The following EYA4 variants were observed in gnomAD, a reference collection of about 807,000 sequenced individuals.
EYA4 encodes EYA transcriptional coactivator and phosphatase 4.
EYA4 carries 31 observed loss-of-function variants against 87.9 expected under a neutral mutation model. The ratio of observed to expected loss-of-function variants is 0.35; its 90% CI spans 0.27 to 0.48. The LOEUF (loss-of-function observed/expected upper bound fraction) is 0.48, where lower values mean the gene tolerates loss of function less well. Among genes scored for constraint, EYA4 ranks in the 20% least tolerant of loss-of-function variants. EYA4 has a pLI of 0.99. For missense variants in EYA4, 678 were observed against 761.4 expected (o/e 0.89, Z 1.29); for synonymous variants, 263 against 270.6 (o/e 0.97, Z 0.28).
intron 1 of EYA4, among the ~76,000 whole-genome samples, chr6:133,273,714 A>T (rs1218633801): frequency 6.6e-6 from 1 of 152,126 alleles, no homozygotes; most frequent in South Asian, 2.1e-4. Flanking sequence ...GTACCATTGC[A>T]ATTTTAAATT....
At chr6:133,386,447 A>G (rs1786756784) in intron 3 of EYA4, among the ~76,000 whole-genome samples, 1 of 152,126 alleles carries the variant, frequency 6.6e-6, no homozygotes, top group Non-Finnish European at 1.5e-5. Flanking sequence ...CTTGTATTGC[A>G]TACTTTACAA....
intron 17 of EYA4, among the ~76,000 whole-genome samples, chr6:133,519,268 AAAG>A (rs1799885922): frequency 6.6e-6 from 1 of 151,080 alleles, no homozygotes; most frequent in East Asian, 1.9e-4. Flanking sequence ...ATAAAGAAAA[AAAG>A]AGAGAAGAAT....
chr6:133,514,903 C>T (rs996556631), intron 16 of EYA4, among the ~76,000 whole-genome samples: 7 of 152,166 alleles, frequency 4.6e-5, no homozygotes, highest in Admixed American at 3.3e-4. Context: ...AGAAGCTAAA[C>T]GTTTTCAGAC....
chr6:133,381,335 G>A (rs1786200941), intron 2 of EYA4, among the ~76,000 whole-genome samples: 1 of 152,040 alleles, frequency 6.6e-6, no homozygotes, highest in Non-Finnish European at 1.5e-5. Flanking sequence ...GTTTTTGTGA[G>A]TTTGTTTGTT....
intron 2 of EYA4, among the ~76,000 whole-genome samples, chr6:133,304,565 A>G (rs1355999201): frequency 6.6e-6 from 1 of 152,174 alleles, no homozygotes; most frequent in East Asian, 1.9e-4. Context: ...GTCTGGAGAA[A>G]TACACTGGGG....
intron 19 of EYA4, among the ~76,000 whole-genome samples, chr6:133,526,181 G>A (rs1466980318): frequency 6.6e-6 from 1 of 152,122 alleles, no homozygotes; most frequent in East Asian, 1.9e-4. Context: ...TTCACCGAAT[G>A]ATAGAAAAAT....
At chr6:133,274,694 T>G in intron 1 of EYA4, 22 bp from the exon 2 acceptor site, 1 of 1,109,150 alleles carries the variant, frequency 9.0e-7, no homozygotes, top group Non-Finnish European at 1.4e-6. Flanking sequence ...TTTTCCCCTT[T>G]GTTTCCATCT....
intron 3 of EYA4, among the ~76,000 whole-genome samples, chr6:133,405,649 CAG>C (rs1275417920): frequency 1.3e-5 from 2 of 152,076 alleles, no homozygotes; most frequent in African/African-American, 4.8e-5. Context: ...AAGTATAAAA[CAG>C]ACAAAAGTTT....
chr6:133,262,972 C>G (rs1366420697), intron 1 of EYA4, among the ~76,000 whole-genome samples: 3 of 152,160 alleles, frequency 2.0e-5, no homozygotes, highest in Non-Finnish European at 4.4e-5. Flanking sequence ...ATGTGCATCT[C>G]CATGTCTCTG....
chr6:133,513,918 A>G (rs1229413327), intron 16 of EYA4, among the ~76,000 whole-genome samples: 2 of 152,180 alleles, frequency 1.3e-5, no homozygotes, highest in Non-Finnish European at 2.9e-5. Flanking sequence ...ATTCACATAT[A>G]TATCATAGAA....
intron 1 of EYA4, among the ~76,000 whole-genome samples, chr6:133,259,568 C>T (rs1325751397): frequency 1.3e-5 from 2 of 152,122 alleles, no homozygotes; most frequent in Non-Finnish European, 2.9e-5. Context: ...TCAAACTTTC[C>T]TGGATGCCTC....
intron 2 of EYA4, among the ~76,000 whole-genome samples, chr6:133,284,222 C>T (rs1582843898): frequency 6.6e-6 from 1 of 152,186 alleles, no homozygotes; most frequent in East Asian, 1.9e-4. Flanking sequence ...GTACAATCTT[C>T]ATTAATCACA....
At chr6:133,401,377 C>T (rs1788246688) in intron 3 of EYA4, among the ~76,000 whole-genome samples, 1 of 99,364 alleles carries the variant, frequency 1.0e-5, no homozygotes, top group African/African-American at 2.5e-5. Flanking sequence ...TTGTACATTT[C>T]AAAATCTCTA....
rs1800954932 is a variant in EYA4 at position 133,530,619 on chromosome 6, G to A, written c.*1814G>A. ...GCTCACAGATCACAACATTCACTGT[G>A]GAAATATGATTTCATTTCTTTAGGC... is the stretch of plus-strand genomic sequence containing the variant. On this transcript the variant is annotated 3_prime_UTR_variant, in exon 20 of 20. Transcript: ENST00000355286. 1 of 985,524 alleles carries A rather than the reference G, an allele frequency of 1.0e-6. No individual in the cohort carries two copies. Among genetic ancestry groups the A allele is most frequent in the Non-Finnish European group, 1.2e-6 (1 of 829,822 alleles). 61.0% of individuals were successfully genotyped at this position (985,524 alleles called of 1,614,324 possible).
chr6:133,405,774 G>C lies in EYA4; in HGVS notation c.83+23333G>C, dbSNP rs1788648530. Reference sequence around the variant, plus strand: ...ATGGAGAAAAAGCAGGAAAAGAAGAGAGAGAATGAATGGGGGGAAGGGGGT... The same window carrying C: ...ATGGAGAAAAAGCAGGAAAAGAAGACAGAGAATGAATGGGGGGAAGGGGGT... On this transcript the variant is annotated intron_variant, in intron 3 of 19. Transcript: ENST00000355286. Among the ~76,000 whole-genome samples the C allele has an allele frequency of 2.6e-5, 4 of 152,030 alleles. No homozygotes were observed. In the South Asian group the frequency reaches 8.3e-4, roughly 32 times the overall value.
At chr6:133,435,700 A>G (rs1217401069) in intron 3 of EYA4, 1 of 152,220 alleles carries the variant, frequency 6.6e-6, no homozygotes, top group Non-Finnish European at 1.5e-5. Flanking sequence ...TACTTTTTCC[A>G]GAAAGTGGGA....
In EYA4 at chr6:133,468,631, T is replaced by C; in HGVS notation, c.870T>C (p.Tyr290=). ...QYAQYYSAST[Y]GAYMTSNNTA... is the part of the protein sequence containing the mutation. ...CACAGTATTATTCAGCATCAACGTATGGAGCGTATATGACATCGAATAACA... is the reference window on the plus strand; with the variant it reads ...CACAGTATTATTCAGCATCAACGTACGGAGCGTATATGACATCGAATAACA... Residue 290 remains tyrosine (Y), a synonymous_variant, in exon 11 of 20, where the codon TAT becomes TAC. Coordinates refer to ENST00000355286, the MANE Select transcript of EYA4 (RefSeq NM_004100.5). The C allele has an allele frequency of 6.2e-7, 1 of 1,612,768 alleles. No individual in the cohort carries two copies.
chr6:133,512,445 T>C (rs1799235662), intron 14 of EYA4, among the ~76,000 whole-genome samples: 1 of 152,230 alleles, frequency 6.6e-6, no homozygotes, highest in South Asian at 2.1e-4. Context: ...TTATCAATAA[T>C]TTTAAGATTA....
chr6:133,520,756 C>T (rs1372537883), intron 17 of EYA4, among the ~76,000 whole-genome samples: 3 of 152,186 alleles, frequency 2.0e-5, no homozygotes, highest in East Asian at 3.9e-4. Flanking sequence ...CTACAGTAAC[C>T]AAAACAGCGA....
Sources: gnomAD v4.1 joint callset for allele counts (sites outside exome capture counted in the v4.1 genomes callset) on GRCh38, gnomAD v4.1.1 for gene constraint, MANE v1.5 for transcripts, NCBI Gene and HGNC (gene_info 2026-07-23, HGNC 2026-07-21) for gene names.